Variants in RNF180 observed in about 807,000 individuals in gnomAD.
RNF180 encodes E3 ubiquitin-protein ligase RNF180.
A neutral mutation model predicts 59.2 loss-of-function variants in RNF180; 38 were observed. That is an observed-to-expected ratio of 0.64 (90% CI 0.50 to 0.84). The LOEUF is 0.84. Ranked by LOEUF, RNF180 falls within the 40% of genes least tolerant of loss-of-function variation. The pLI is 0.00. For missense variants in RNF180, 705 were observed against 700.9 expected, an observed-to-expected ratio of 1.01 and a Z score of -0.07; for synonymous variants, 262 against 240.3, an observed-to-expected ratio of 1.09 and a Z score of -0.84.
At chr5:64,356,541 G>A (rs1746034362) in intron 7 of RNF180, among the ~76,000 whole-genome samples, 2 of 151,810 alleles carry the variant, frequency 1.3e-5, no homozygotes, top group African/African-American at 4.8e-5. Context: ...CAAAAAGATA[G>A]TTGTATGCCA....
intron 7 of RNF180, among the ~76,000 whole-genome samples, chr5:64,342,328 G>C (rs933014274): frequency 1.3e-5 from 2 of 152,134 alleles, no homozygotes; most frequent in Non-Finnish European, 2.9e-5. Flanking sequence ...TTTACTGGAA[G>C]TATTTTCTGA....
intron 2 of RNF180, among the ~76,000 whole-genome samples, chr5:64,210,779 G>A (rs1014755792): frequency 6.6e-6 from 1 of 152,094 alleles, no homozygotes; most frequent in Non-Finnish European, 1.5e-5. Flanking sequence ...CTTTCTCCTG[G>A]TATAGGGGAT....
At chr5:64,174,185 A>T (rs1750105493) in intron 1 of RNF180, among the ~76,000 whole-genome samples, 1 of 152,054 alleles carries the variant, frequency 6.6e-6, no homozygotes, top group South Asian at 2.1e-4. Flanking sequence ...TATATACCAC[A>T]TTTTCTTTAT....
intron 1 of RNF180, among the ~76,000 whole-genome samples, chr5:64,190,902 CT>C (rs1207142607): frequency 2.6e-5 from 4 of 152,270 alleles, no homozygotes; most frequent in Admixed American, 6.5e-5. Context: ...TTTAAGCCCC[CT>C]AGTCTGTGGT....
At chr5:64,272,140 C>T (rs948163566) in intron 5 of RNF180, among the ~76,000 whole-genome samples, 1 of 152,060 alleles carries the variant, frequency 6.6e-6, no homozygotes, top group Admixed American at 6.6e-5. Context: ...ACACATTAAT[C>T]AAGCCCTCTT....
At chr5:64,332,004 C>T (rs917176934) in intron 7 of RNF180, among the ~76,000 whole-genome samples, 4 of 152,158 alleles carry the variant, frequency 2.6e-5, no homozygotes, top group African/African-American at 7.2e-5. Flanking sequence ...CTCCCTGCCC[C>T]GCCACAGCAG....
At chr5:64,199,443 C>T (rs1751619729) in intron 1 of RNF180, among the ~76,000 whole-genome samples, 1 of 152,160 alleles carries the variant, frequency 6.6e-6, no homozygotes, top group Admixed American at 6.5e-5. Context: ...CCTGCATCCC[C>T]ATCTCAGAAT....
At chr5:64,191,246 A>T (rs1054776859) in intron 1 of RNF180, among the ~76,000 whole-genome samples, 4 of 152,208 alleles carry the variant, frequency 2.6e-5, no homozygotes, top group Admixed American at 2.0e-4. Context: ...AGTTTCTCCT[A>T]TCATTAACGT....
At chr5:64,195,121 G>A (rs967022444) in intron 1 of RNF180, among the ~76,000 whole-genome samples, 3 of 152,020 alleles carry the variant, frequency 2.0e-5, no homozygotes, top group African/African-American at 7.2e-5. Context: ...CTTTTTTTGA[G>A]TAGTACAGTT....
At chr5:64,222,568 C>G (rs1309673718) in intron 5 of RNF180, among the ~76,000 whole-genome samples, 1 of 152,148 alleles carries the variant, frequency 6.6e-6, no homozygotes, top group East Asian at 1.9e-4. Context: ...TGCTGTGCAC[C>G]AGGAAGGTCA....
intron 6 of RNF180, among the ~76,000 whole-genome samples, chr5:64,328,477 A>G (rs1486255696): frequency 6.6e-6 from 1 of 152,230 alleles, no homozygotes; most frequent in African/African-American, 2.4e-5. Context: ...GAGAATATCT[A>G]ACTTGAAATG....
chr5:64,216,767 A>G (rs920293805), intron 4 of RNF180, among the ~76,000 whole-genome samples: 4 of 152,326 alleles, frequency 2.6e-5, no homozygotes, highest in African/African-American at 7.2e-5. Context: ...CTTTGGGGAA[A>G]GACGTAGCAC....
At chr5:64,260,707 G>A (rs886852159) in intron 5 of RNF180, among the ~76,000 whole-genome samples, 2 of 152,136 alleles carry the variant, frequency 1.3e-5, no homozygotes, top group Non-Finnish European at 2.9e-5. Context: ...TTGAACCATG[G>A]TTCTACAACT....
chr5:64,303,479 A>C (rs1278955973), intron 5 of RNF180, among the ~76,000 whole-genome samples: 1 of 151,424 alleles, frequency 6.6e-6, no homozygotes, highest in South Asian at 2.1e-4. Flanking sequence ...TAAAAGTGCT[A>C]CTCCAGTGAA....
chr5:64,182,295 A>T (rs1750640547), intron 1 of RNF180, among the ~76,000 whole-genome samples: 1 of 152,190 alleles, frequency 6.6e-6, no homozygotes, highest in South Asian at 2.1e-4. Context: ...TGTGATTCAC[A>T]AAAAATTTAT....
chr5:64,237,510 A>G (rs1742514668), intron 5 of RNF180, among the ~76,000 whole-genome samples: 1 of 151,962 alleles, frequency 6.6e-6, no homozygotes, highest in Admixed American at 6.6e-5. Context: ...CTCAGATGAG[A>G]TTTTGGAATT....
intron 5 of RNF180, among the ~76,000 whole-genome samples, chr5:64,268,007 C>A (rs1202020442): frequency 6.6e-6 from 1 of 152,122 alleles, no homozygotes; most frequent in Admixed American, 6.5e-5. Context: ...TATCCAAGTT[C>A]ATAGAACACC....
chr5:64,368,464 C>A (rs868375644), intron 7 of RNF180, among the ~76,000 whole-genome samples: 21 of 151,700 alleles, frequency 1.4e-4, no homozygotes, highest in Middle Eastern at 3.4e-3. Context: ...AATGACTTGC[C>A]CCAGCCAAGT....
chr5:64,166,313 T>C, intron 1 of RNF180: 1 of 152,904 alleles, frequency 6.5e-6, no homozygotes, highest in Non-Finnish European at 1.5e-5. Context: ...GGTCCAGTAC[T>C]GAACCCTCTC....
Sources: gnomAD v4.1 joint callset for allele counts (sites outside exome capture counted in the v4.1 genomes callset) on GRCh38, gnomAD v4.1.1 for gene constraint, MANE v1.5 for transcripts, NCBI Gene and HGNC (gene_info 2026-07-23, HGNC 2026-07-21) for gene names.